PRRC2B: variants seen among roughly 807,000 people sequenced by gnomAD.
PRRC2B encodes the protein proline rich coiled-coil 2B, also known as protein PRRC2B.
PRRC2B carries 68 observed loss-of-function variants against 242.3 expected under a neutral mutation model. The observed-to-expected ratio is 0.28, with a 90% CI of 0.23 to 0.34. The LOEUF (loss-of-function observed/expected upper bound fraction) is 0.34. Ranked by LOEUF, PRRC2B falls within the 10% of genes least tolerant of loss-of-function variation. PRRC2B has a pLI of 1.00. For missense variants in PRRC2B, 2,835 were observed against 2,954.8 expected (o/e 0.96, Z 0.94); for synonymous variants, 1,228 against 1,173.6 (o/e 1.05, Z -0.95).
chr9:131,415,345 G>C (rs1837619556), intron 1 of PRRC2B, among the ~76,000 whole-genome samples: 1 of 152,306 alleles, frequency 6.6e-6, no homozygotes, highest in East Asian at 1.9e-4. Flanking sequence ...GAAGTAGACA[G>C]GTTTGGGATT....
At position 131,482,790 on chromosome 9, in the gene PRRC2B, G is replaced by A. The variant is rs761148551; in HGVS notation, c.5256G>A (p.Lys1752=). The A allele has an allele frequency of 6.2e-7, 1 of 1,611,000 alleles. No individual in the cohort carries two copies. The highest frequency in any genetic ancestry group is 8.5e-7 in the Non-Finnish European group (1 of 1,178,530). The change falls in exon 22 of 32, where the codon AAG becomes AAA. Residue 1752 remains lysine, a synonymous_variant. Coordinates refer to ENST00000683519, the MANE Select transcript of PRRC2B (RefSeq NM_013318.4). This position sits in a 1 kb window ranked among gnomAD's most constrained non-coding sequence, Gnocchi z 5.2. ...ACGAGCGTTCTCTGAAAAACAGAAAGGGCTCGGAGGGGGCCGAGCGGCTGC... is the reference window on the plus strand; with the variant it reads ...ACGAGCGTTCTCTGAAAAACAGAAAAGGCTCGGAGGGGGCCGAGCGGCTGC... The part of the protein sequence containing the change: ...IGNERSLKNR[K]GSEGAERLQG...
At chr9:131,466,030 G>A (rs1943387074) in intron 12 of PRRC2B, among the ~76,000 whole-genome samples, 1 of 152,148 alleles carries the variant, frequency 6.6e-6, no homozygotes, top group Non-Finnish European at 1.5e-5. Context: ...TGGGCAACAC[G>A]GCCCTATTTA....
At chr9:131,406,762 T>A (rs1326869626) in intron 1 of PRRC2B, among the ~76,000 whole-genome samples, 2 of 152,088 alleles carry the variant, frequency 1.3e-5, no homozygotes, top group African/African-American at 4.8e-5. Flanking sequence ...TTCACCGAGA[T>A]CTTAAAAACA....
chr9:131,384,912 C>T (rs1836808488), intron 1 of PRRC2B, among the ~76,000 whole-genome samples: 6 of 152,130 alleles, frequency 3.9e-5, no homozygotes. Context: ...GGAAGATGGA[C>T]AGGAAGTAAC....
rs946269156 is a variant in PRRC2B at position 131,463,213 on chromosome 9, C to T, written c.1405-1550C>T. On this transcript the variant is annotated intron_variant, in intron 11 of 31. Coordinates refer to ENST00000683519, the MANE Select transcript of PRRC2B (RefSeq NM_013318.4). The stretch of plus-strand genomic sequence containing the variant: ...TATTATATAAAATGTACCTTCATGC[C>T]TCTAAATTGGAAGTTTATAATCTTA... 7.9e-5 allele frequency among the ~76,000 whole-genome samples: 12 copies of T among 152,124 alleles called. No individual in the cohort carries two copies. In the East Asian group the frequency reaches 2.3e-3, roughly 29 times the overall value.
At chr9:131,451,414 TAC>T (rs1942915464) in intron 9 of PRRC2B, among the ~76,000 whole-genome samples, 1 of 151,550 alleles carries the variant, frequency 6.6e-6, no homozygotes, top group South Asian at 2.1e-4. Flanking sequence ...AAAAAGAAAA[TAC>T]AGTTGATTTT....
intron 1 of PRRC2B, among the ~76,000 whole-genome samples, chr9:131,413,293 C>T (rs1283542921): frequency 2.6e-5 from 4 of 152,298 alleles, no homozygotes; most frequent in East Asian, 3.9e-4. Flanking sequence ...CCTAGCCAAT[C>T]GGGACAGATA....
chr9:131,486,662 C>G (rs1469516117), intron 26 of PRRC2B: 1 of 453,262 alleles, frequency 2.2e-6, no homozygotes, highest in Non-Finnish European at 2.9e-6. Flanking sequence ...TTGGGATGGT[C>G]TAGCCGCCCC....
rs531351682 is a variant in PRRC2B, at chr9:131,385,732, C to T, written c.-56+12001C>T. Among the ~76,000 whole-genome samples, 15 of 150,440 alleles carry T rather than the reference C, an allele frequency of 1.0e-4. 1 individual carries two copies. Among genetic ancestry groups the T allele is most frequent in the Non-Finnish European group, 1.3e-4 (9 of 67,560 alleles). On this transcript the variant is annotated intron_variant, in intron 1 of 1. Coordinates refer to the PRRC2B transcript ENST00000682525. ...TTTTTGAGGCGGAGTCTCGCCTTGT[C>T]GCCCAGGCTGGAGTGCAGTGGTGTG...
chr9:131,482,393 G>A lies in PRRC2B; in HGVS notation c.5006G>A (p.Gly1669Glu). 6.3e-7 allele frequency: 1 copy of A among 1,591,934 alleles called. No individual in the cohort carries two copies. Among genetic ancestry groups the A allele is most frequent in the Non-Finnish European group, 8.6e-7 (1 of 1,163,372 alleles). ...CAGCAGGGTTTTAAGAGCAGCCAGG[G>A]AGATAGTGGCGTTGACTTGAGTGCC... The part of the protein sequence containing the change: ...SAEQGFKSSQ[G>E]DSGVDLSAES... The change falls in exon 21 of 32, where the codon GGA (glycine) becomes GAA (glutamate). Residue 1669 changes from glycine (G) to glutamate (E), a missense_variant. Coordinates refer to ENST00000683519, the MANE Select transcript of PRRC2B (RefSeq NM_013318.4). The surrounding 1 kb of genome is among the most constrained non-coding windows in gnomAD (Gnocchi z 5.2).
At chr9:131,425,062 G>A (rs945076753) in intron 1 of PRRC2B, among the ~76,000 whole-genome samples, 1 of 152,040 alleles carries the variant, frequency 6.6e-6, no homozygotes, top group East Asian at 1.9e-4. Context: ...TGCCTCCTGG[G>A]TTCAAGTGAT....
At chr9:131,412,610 T>C (rs916441449) in intron 1 of PRRC2B, among the ~76,000 whole-genome samples, 7 of 152,242 alleles carry the variant, frequency 4.6e-5, no homozygotes, top group Admixed American at 3.3e-4. Context: ...GGGTCATCCT[T>C]GCTCTGCTGA....
intron 3 of PRRC2B, 142 bp from the exon 4 acceptor site, chr9:131,436,477 TC>T (rs1838376639): frequency 3.4e-6 from 2 of 581,854 alleles, no homozygotes; most frequent in South Asian, 2.3e-5. Context: ...AGCATAAGAA[TC>T]TACTGGGGAA....
At chr9:131,447,338 A>G in intron 8 of PRRC2B, 132 bp downstream of exon 8, 1 of 1,169,420 alleles carries the variant, frequency 8.6e-7, no homozygotes, top group Admixed American at 2.5e-5. Flanking sequence ...TCAGCGTGGC[A>G]GGGTGTGTGG....
At chr9:131,384,178 C>T (rs1836799284) in intron 1 of PRRC2B, among the ~76,000 whole-genome samples, 1 of 145,918 alleles carries the variant, frequency 6.9e-6, no homozygotes, top group Non-Finnish European at 1.5e-5. Flanking sequence ...CAACCTCTGT[C>T]TGCCTCCCGT....
intron 1 of PRRC2B, among the ~76,000 whole-genome samples, chr9:131,378,899 A>C (rs1836719906): frequency 1.3e-5 from 2 of 152,070 alleles, no homozygotes; most frequent in South Asian, 4.1e-4. Context: ...TTGTATTTTT[A>C]GTAGAGACGA....
intron 3 of PRRC2B, among the ~76,000 whole-genome samples, chr9:131,436,385 AAGTC>A (rs1481834479): frequency 6.6e-6 from 1 of 152,186 alleles, no homozygotes. Context: ...GAAAAAGAAA[AAGTC>A]AGAGGACTGT....
intron 16 of PRRC2B, among the ~76,000 whole-genome samples, chr9:131,476,933 G>A (rs540139448): frequency 6.6e-6 from 1 of 152,316 alleles, no homozygotes; most frequent in African/African-American, 2.4e-5. Flanking sequence ...GGCATCGCTG[G>A]CCTCGTGGCT....
intron 4 of PRRC2B, among the ~76,000 whole-genome samples, chr9:131,437,037 A>G (rs1838396947): frequency 6.6e-6 from 1 of 152,142 alleles, no homozygotes; most frequent in African/African-American, 2.4e-5. Context: ...TTCAGGGTGA[A>G]GCTCCATGGA....
Sources: gnomAD v4.1 joint callset for allele counts (sites outside exome capture counted in the v4.1 genomes callset) on GRCh38, gnomAD v4.1.1 for gene constraint, Gnocchi (gnomAD v3.1) non-coding constraint, MANE v1.5 for transcripts, NCBI Gene and HGNC (gene_info 2026-07-23, HGNC 2026-07-21) for gene names.